The following CAPN2 variants were observed in gnomAD, a reference collection of about 807,000 sequenced individuals.
CAPN2 encodes calpain 2, also known as calpain-2 catalytic subunit.
CAPN2 carries 92 observed loss-of-function variants against 102.3 expected under a neutral mutation model. The ratio of observed to expected loss-of-function variants is 0.90; its 90% CI spans 0.76 to 1.07. The LOEUF (loss-of-function observed/expected upper bound fraction) is 1.07, where lower values mean the gene tolerates loss of function less well. CAPN2 is among the 50% of genes least tolerant of loss of function. The probability of loss-of-function intolerance (pLI) is 0.00; values close to 1 mark genes in which losing one functional copy is unlikely to be tolerated. For synonymous variants in CAPN2, 340 were observed against 355.4 expected, an observed-to-expected ratio of 0.96 and a Z score of 0.49; for missense variants, 800 against 909.4, an observed-to-expected ratio of 0.88 and a Z score of 1.55.
chr1:223,742,514 A>AT (rs1660646427), intron 2 of CAPN2, among the ~76,000 whole-genome samples: 3 of 109,470 alleles, frequency 2.7e-5, no homozygotes, highest in East Asian at 5.1e-4. Context: ...ATATATATAT[A>AT]TATATTTTTT....
At position 223,702,784 on chromosome 1, in the gene CAPN2, G is replaced by A. The variant is rs181171690; in HGVS notation, c.3+953G>A. Reference sequence around the variant, plus strand: ...TAGAAGCATAGGAGTTATTGACCTAGGTAGATTTTGAGGCAAAAAAATCCA... The same window carrying A: ...TAGAAGCATAGGAGTTATTGACCTAAGTAGATTTTGAGGCAAAAAAATCCA... On this transcript the variant is annotated intron_variant, in intron 1 of 20. Transcript: ENST00000433674. 4.4e-3 allele frequency among the ~76,000 whole-genome samples: 671 copies of A among 152,158 alleles called. 23 individuals carry two copies. The highest frequency in any genetic ancestry group is 0.042 in the Admixed American group (636 of 15,278).
At chr1:223,773,465 G>A (rs1334470240) in intron 20 of CAPN2, among the ~76,000 whole-genome samples, 2 of 152,070 alleles carry the variant, frequency 1.3e-5, no homozygotes, top group Non-Finnish European at 2.9e-5. Context: ...AGGCCAAGGC[G>A]GGCGAATCAC....
Position 223,759,499 on chromosome 1 carries a change from T to TAG in CAPN2, c.1529+18_1529+19insAG. 3.1e-6 allele frequency: 5 copies of TAG among 1,607,208 alleles called. No individual in the cohort carries two copies. Among genetic ancestry groups the TAG allele is most frequent in the Non-Finnish European group, 4.3e-6 (5 of 1,174,620 alleles). On this transcript the variant is annotated intron_variant, in intron 12 of 20. Transcript: ENST00000295006. This position sits in a 1 kb window ranked among gnomAD's most constrained non-coding sequence, Gnocchi z 4.6. ...GACTACCAGTAGGCGGTTTGGTCCC[T>TAG]TCCTCTCCCCACCCTTCCCTGTCCC...
At chr1:223,766,846 G>GCTACT (rs1661348543) in intron 16 of CAPN2, among the ~76,000 whole-genome samples, 1 of 152,060 alleles carries the variant, frequency 6.6e-6, no homozygotes, top group Admixed American at 6.5e-5. Context: ...TGTAATCCCA[G>GCTACT]CTACTCAGGA....
chr1:223,770,524 AGGTAACCC>A lies in CAPN2; in HGVS notation c.1903_1903+7del. ...AAATGCGGAAGGCATTAGAAGAAGC[AGGTAACCC>A]TTTATAACTGCATTTTCGTTCCTAG... is the stretch of plus-strand genomic sequence containing the variant. On this transcript the variant is annotated splice_donor_variant and splice_donor_5th_base_variant and coding_sequence_variant and intron_variant, in exon 18 of 21. Transcript: ENST00000295006. LOFTEE classifies it high-confidence loss of function. 2 of 1,609,550 alleles carry A rather than the reference AGGTAACCC, an allele frequency of 1.2e-6. No homozygotes were observed. The highest frequency in any genetic ancestry group is 1.7e-6 in the Non-Finnish European group (2 of 1,175,936).
chr1:223,742,949 A>T lies in CAPN2; in HGVS notation c.308-1151A>T, dbSNP rs147967933. 7.2e-5 allele frequency among the ~76,000 whole-genome samples: 11 copies of T among 152,338 alleles called. No individual in the cohort carries two copies. In the East Asian group the frequency reaches 2.1e-3, roughly 29 times the overall value. On this transcript the variant is annotated intron_variant, in intron 2 of 20. Coordinates refer to ENST00000295006, the MANE Select transcript of CAPN2 (RefSeq NM_001748.5). Reference sequence around the variant, plus strand: ...GAAAGTGCACATTCCTTAAGAATGGAGTAAACTTCCTCATCCTCTTCCCAG... The same window carrying T: ...GAAAGTGCACATTCCTTAAGAATGGTGTAAACTTCCTCATCCTCTTCCCAG...
rs74147516 is a variant in CAPN2 at position 223,719,129 on chromosome 1, C to T, written c.307+1298C>T. ...CCTTTCATTTCTTTTCTTCTCGCCC[C>T]ACAAAAGACAGAAGATAGAGGTCCT... On this transcript the variant is annotated intron_variant, in intron 2 of 20. Coordinates refer to ENST00000295006, the MANE Select transcript of CAPN2 (RefSeq NM_001748.5). Among the ~76,000 whole-genome samples, 460 of 152,290 alleles carry T rather than the reference C, an allele frequency of 3.0e-3. 1 individual carries two copies. Among genetic ancestry groups the T allele is most frequent in the African/African-American group, 0.011 (438 of 41,562 alleles).
At chr1:223,736,427 A>G (rs1660458056) in intron 2 of CAPN2, among the ~76,000 whole-genome samples, 1 of 152,210 alleles carries the variant, frequency 6.6e-6, no homozygotes, top group Non-Finnish European at 1.5e-5. Flanking sequence ...GCTTTGAGGG[A>G]GCAGGCAACC....
intron 6 of CAPN2, among the ~76,000 whole-genome samples, chr1:223,749,917 G>A (rs544606399): frequency 5.9e-5 from 9 of 152,262 alleles, no homozygotes; most frequent in African/African-American, 2.2e-4. Flanking sequence ...GGCTGAGGTG[G>A]GAGGATCACT....
intron 2 of CAPN2, among the ~76,000 whole-genome samples, chr1:223,741,435 A>ATATATATATATATATATATATAT (rs1382515776): frequency 4.9e-5 from 2 of 40,588 alleles, no homozygotes; most frequent in Admixed American, 4.8e-4. Context: ...ATATATATAT[A>ATATATATATATATATATATATAT]ATGTGTATAT....
intron 2 of CAPN2, among the ~76,000 whole-genome samples, chr1:223,734,840 A>G (rs375439997): frequency 5.3e-5 from 8 of 152,266 alleles, no homozygotes; most frequent in Admixed American, 4.6e-4. Flanking sequence ...GTGCCATGAG[A>G]CAGTCTATTA....
intron 5 of CAPN2, among the ~76,000 whole-genome samples, chr1:223,747,772 C>T (rs1311738074): frequency 1.3e-5 from 2 of 152,068 alleles, no homozygotes; most frequent in African/African-American, 2.4e-5. Context: ...GAGAGTGGAT[C>T]GAGAGACAGA....
At chr1:223,721,739 G>A (rs1384750159) in intron 2 of CAPN2, among the ~76,000 whole-genome samples, 2 of 152,180 alleles carry the variant, frequency 1.3e-5, no homozygotes, top group African/African-American at 2.4e-5. Flanking sequence ...GCCAGATGGG[G>A]AATTTTCCAG....
At chr1:223,750,341 C>G (rs1660855087) in intron 6 of CAPN2, among the ~76,000 whole-genome samples, 1 of 152,204 alleles carries the variant, frequency 6.6e-6, no homozygotes, top group Admixed American at 6.5e-5. Flanking sequence ...CATTTATTCC[C>G]TATGAATAAG....
intron 2 of CAPN2, among the ~76,000 whole-genome samples, chr1:223,739,008 A>T (rs1341773308): frequency 6.6e-6 from 1 of 152,160 alleles, no homozygotes; most frequent in Non-Finnish European, 1.5e-5. Flanking sequence ...GCTCCCAGGC[A>T]GCAGGATGGA....
chr1:223,756,407 G>A lies in CAPN2; in HGVS notation c.1305+758G>A, dbSNP rs1245209571. 6.6e-6 allele frequency among the ~76,000 whole-genome samples: 1 copy of A among 152,208 alleles called. No homozygotes were observed. Among genetic ancestry groups the A allele is most frequent in the African/African-American group, 2.4e-5 (1 of 41,446 alleles). ...GGGATGCATTTCGGTTTGATGGGCT[G>A]GAGCTGGCTCCTCCCGGCTCCCAAA... On this transcript the variant is annotated intron_variant, in intron 10 of 20. Transcript: ENST00000295006. The surrounding 1 kb of genome is among the most constrained non-coding windows in gnomAD (Gnocchi z 4.1).
At chr1:223,709,473 C>A (rs1037814411), upstream of CAPN2, among the ~76,000 whole-genome samples, 2 of 152,030 alleles carry the variant, frequency 1.3e-5, no homozygotes, top group Non-Finnish European at 2.9e-5. Flanking sequence ...CCAGCCTAGC[C>A]AACGTGGAGA....
chr1:223,775,464 T>C lies in CAPN2; in HGVS notation c.*607T>C, dbSNP rs1661594428. ...GGTTTTGTAGAATATTGATTGGTAA[T>C]AGTAAATCGTTCTCCTTACAATCAA... On this transcript the variant is annotated 3_prime_UTR_variant, in exon 21 of 21. Coordinates refer to ENST00000295006, the MANE Select transcript of CAPN2 (RefSeq NM_001748.5). The C allele has an allele frequency of 1.3e-5, 2 of 152,594 alleles. No homozygotes were observed. The highest frequency in any genetic ancestry group is 2.4e-5 in the African/African-American group (1 of 41,464). 9.5% of individuals were successfully genotyped at this position (152,594 alleles called of 1,614,324 possible).
intron 2 of CAPN2, among the ~76,000 whole-genome samples, chr1:223,737,903 A>T (rs1238142804): frequency 1.3e-5 from 2 of 152,086 alleles, no homozygotes; most frequent in African/African-American, 4.8e-5. Context: ...CAACAGCCAT[A>T]AAAGAATCTC....
Sources: allele counts gnomAD v4.1 joint callset (sites outside exome capture counted in the v4.1 genomes callset), GRCh38; gene constraint gnomAD v4.1.1; non-coding constraint Gnocchi (gnomAD v3.1); transcripts MANE v1.5; gene names NCBI Gene and HGNC (gene_info 2026-07-23, HGNC 2026-07-21).